The following DNAJA2 variants were observed in gnomAD, a reference collection of about 807,000 sequenced individuals.
DNAJA2 encodes dnaJ homolog subfamily A member 2.
A neutral mutation model predicts 49.3 loss-of-function variants in DNAJA2; 6 were observed. That is an observed-to-expected ratio of 0.12 (90% CI 0.07 to 0.24). The LOEUF is 0.24. Ranked by LOEUF, DNAJA2 falls within the 10% of genes least tolerant of loss-of-function variation. The pLI, the probability that DNAJA2 is intolerant of heterozygous loss-of-function variation, is 1.00. For missense variants in DNAJA2, 347 were observed against 516.8 expected (o/e 0.67, Z 3.19); for synonymous variants, 160 against 172.7 (o/e 0.93, Z 0.58).
At chr16:46,965,721 C>T (rs1332423757) in intron 5 of DNAJA2, among the ~76,000 whole-genome samples, 1 of 149,994 alleles carries the variant, frequency 6.7e-6, no homozygotes, top group Non-Finnish European at 1.5e-5. Flanking sequence ...ATCCCAGCTA[C>T]TCAGGAGGCC....
chr16:46,960,570 G>A (rs985903598), intron 6 of DNAJA2, among the ~76,000 whole-genome samples: 1 of 152,016 alleles, frequency 6.6e-6, no homozygotes, highest in African/African-American at 2.4e-5. Flanking sequence ...CACAAGGTCA[G>A]GAGTTCAAGA....
intron 1 of DNAJA2, chr16:46,972,241 C>A: frequency 2.9e-6 from 1 of 342,468 alleles, no homozygotes. Context: ...AAACATTATC[C>A]ATATTTTCCC....
chr16:46,967,541 C>T lies in DNAJA2; in HGVS notation c.549G>A (p.Gln183=). ...QLAPGMVQQM[Q]SVCSDCNGEG... is the part of the protein sequence containing the mutation. The stretch of plus-strand genomic sequence containing the variant: ...CTCCATTACAATCAGAGCACACAGA[C>T]TGCATCTGTTGTACCATCCCTGGAG... The change falls in exon 5 of 9, where the codon CAG becomes CAA. Residue 183 remains glutamine, a synonymous_variant. Coordinates refer to ENST00000317089, the MANE Select transcript of DNAJA2 (RefSeq NM_005880.4). 5 of 1,614,188 alleles carry T rather than the reference C, an allele frequency of 3.1e-6. No individual in the cohort carries two copies. The highest frequency in any genetic ancestry group is 1.1e-5 in the South Asian group (1 of 91,086).
intron 6 of DNAJA2, among the ~76,000 whole-genome samples, chr16:46,962,692 C>T (rs1312685080): frequency 6.6e-6 from 1 of 152,218 alleles, no homozygotes; most frequent in East Asian, 1.9e-4. Flanking sequence ...TTTCATTCTA[C>T]AAGACCCAAA....
intron 5 of DNAJA2, among the ~76,000 whole-genome samples, chr16:46,965,174 C>T (rs1961951570): frequency 6.6e-6 from 1 of 152,114 alleles, no homozygotes; most frequent in East Asian, 1.9e-4. Context: ...CATGCCACTG[C>T]ACCCCAGTCT....
chr16:46,967,394 CCTTTTT>C, intron 5 of DNAJA2, 113 bp downstream of exon 5: 3 of 1,316,178 alleles, frequency 2.3e-6, no homozygotes, highest in Non-Finnish European at 3.1e-6. Flanking sequence ...CACCCGGCCT[CCTTTTT>C]CTTTAATAAG....
chr16:46,967,138 G>A (rs887435422), intron 5 of DNAJA2, among the ~76,000 whole-genome samples: 9 of 152,136 alleles, frequency 5.9e-5, no homozygotes, highest in Non-Finnish European at 1.2e-4. Context: ...CCTGGCTGAA[G>A]TGCACTGGTA....
At chr16:46,959,738 A>G (rs1441751550) in intron 6 of DNAJA2, 3 of 215,668 alleles carry the variant, frequency 1.4e-5, no homozygotes, top group African/African-American at 6.8e-5. Context: ...TCTGGTGAAA[A>G]AGGTACAGAA....
chr16:46,971,758 T>C (rs1039036247), intron 2 of DNAJA2, 138 bp downstream of exon 2: 153 of 935,744 alleles, frequency 1.6e-4, no homozygotes, highest in Non-Finnish European at 2.4e-4. Flanking sequence ...ATTCTAAAAC[T>C]AAAATACTCT....
In DNAJA2 at chr16:46,973,660, G is replaced by A. The variant is rs1171919106; in HGVS notation, c.-88C>T. The A allele has an allele frequency of 3.6e-6, 5 of 1,395,720 alleles. No homozygotes were observed. The highest frequency in any genetic ancestry group is 4.9e-6 in the Non-Finnish European group (5 of 1,023,458). The allele number at this position is 1,395,720 out of a possible 1,614,324, so 86.5% of individuals were successfully genotyped here. A position where few individuals can be genotyped will look rare whatever the true frequency, so the allele number is the denominator to read the frequency against. On this transcript the variant is annotated 5_prime_UTR_variant, in exon 1 of 9. Coordinates refer to ENST00000317089, the MANE Select transcript of DNAJA2 (RefSeq NM_005880.4). ...ACAAGCGGCGTCGGCGGCGGCACAG[G>A]CCGAGGGAGACAGCGAGGGGGAAGC...
In DNAJA2 at chr16:46,959,381, A is replaced by G. The variant is rs374659840; in HGVS notation, c.813T>C (p.Tyr271=). The G allele has an allele frequency of 1.1e-5, 17 of 1,613,694 alleles. No homozygotes were observed. The highest frequency in any genetic ancestry group is 1.4e-5 in the Non-Finnish European group (16 of 1,179,630). ...QRDGNDLHMT[Y]KIGLVEALCG... ...ATAGAGCTTCAACAAGTCCTATTTT[A>G]TATGTCATGTGCAAATCATTCCCAT... is the stretch of plus-strand genomic sequence containing the variant. The change falls in exon 7 of 9, where the codon TAT becomes TAC. Residue 271 remains tyrosine (Y), a synonymous_variant. Coordinates refer to ENST00000317089, the MANE Select transcript of DNAJA2 (RefSeq NM_005880.4).
chr16:46,963,419 A>G (rs1024157456), intron 6 of DNAJA2, among the ~76,000 whole-genome samples: 9 of 152,126 alleles, frequency 5.9e-5, no homozygotes, highest in African/African-American at 1.9e-4. Context: ...CTGTAATCCC[A>G]GCACTTTGGG....
At chr16:46,964,232 A>C (rs1199389656) in intron 6 of DNAJA2, among the ~76,000 whole-genome samples, 3 of 152,068 alleles carry the variant, frequency 2.0e-5, no homozygotes, top group Admixed American at 2.0e-4. Flanking sequence ...ATTAGCCAGG[A>C]GTGAAGAAGC....
rs111303580 is a variant in DNAJA2, at chr16:46,957,361, T to C, written c.1048-141A>G. ...CATGCTTATAATCCCACCCAGCACT[T>C]TGGAAGGCTGAGGCGGGCGGATAAT... On this transcript the variant is annotated intron_variant, in intron 8 of 8. Coordinates refer to ENST00000317089, the MANE Select transcript of DNAJA2 (RefSeq NM_005880.4). 9.7e-5 allele frequency: 77 copies of C among 791,656 alleles called. No homozygotes were observed. In the East Asian group the frequency reaches 1.8e-3, roughly 19 times the overall value. 49.0% of individuals were successfully genotyped at this position (791,656 alleles called of 1,614,324 possible). A position where few individuals can be genotyped will look rare whatever the true frequency, so the allele number is the denominator to read the frequency against.
rs779768447 is a variant in DNAJA2 at position 46,956,951 on chromosome 16, G to A, written c.*78C>T. 34 of 1,493,858 alleles carry A rather than the reference G, an allele frequency of 2.3e-5. No homozygotes were observed. Among genetic ancestry groups the A allele is most frequent in the Non-Finnish European group, 3.0e-5 (32 of 1,071,584 alleles). The allele number at this position is 1,493,858 out of a possible 1,614,324, so 92.5% of individuals were successfully genotyped here. On this transcript the variant is annotated 3_prime_UTR_variant, in exon 9 of 9. Transcript: ENST00000317089. ...TCCCTCAGTTCATCTGGATTGATAA[G>A]ACACTCCAGCTGGATTGCTGAGAAC...
chr16:46,965,820 G>C (rs888439241), intron 5 of DNAJA2, among the ~76,000 whole-genome samples: 2 of 142,586 alleles, frequency 1.4e-5, no homozygotes, highest in Non-Finnish European at 1.5e-5. Context: ...AACAGAGCAA[G>C]ACTCCGTCTC....
intron 6 of DNAJA2, chr16:46,959,667 T>C: frequency 2.5e-6 from 1 of 397,272 alleles, no homozygotes; most frequent in Non-Finnish European, 4.6e-6. Context: ...GCAACAGAAC[T>C]GAGGCCCTCA....
intron 2 of DNAJA2, 88 bp from the exon 3 acceptor site, chr16:46,971,660 C>CCAAAAAA (rs1567355447): frequency 5.8e-6 from 1 of 172,726 alleles, no homozygotes; most frequent in Non-Finnish European, 9.4e-6. Context: ...CCATTTAATT[C>CCAAAAAA]TAAAAAAAAA....
intron 5 of DNAJA2, 72 bp from the exon 6 acceptor site, chr16:46,964,879 T>G: frequency 7.9e-7 from 1 of 1,261,274 alleles, no homozygotes; most frequent in Non-Finnish European, 1.1e-6. Flanking sequence ...ATTCTTTAAA[T>G]ATGCTTTCTG....
Sources: allele counts gnomAD v4.1 joint callset (sites outside exome capture counted in the v4.1 genomes callset), GRCh38; gene constraint gnomAD v4.1.1; transcripts MANE v1.5; gene names NCBI Gene and HGNC (gene_info 2026-07-23, HGNC 2026-07-21).